Variants in CDH11 observed in about 807,000 individuals in gnomAD.
CDH11 encodes cadherin 11.
In CDH11, 11 loss-of-function variants were observed where a neutral mutation model predicts 67.8. The observed-to-expected ratio is 0.16, with a 90% CI of 0.10 to 0.27. CDH11 has a LOEUF of 0.27. CDH11 is among the 10% of genes least tolerant of loss of function. CDH11 has a pLI of 1.00. For missense variants in CDH11, 847 were observed against 1,031.2 expected, an observed-to-expected ratio of 0.82 and a Z score of 2.45; for synonymous variants, 419 against 400.0, an observed-to-expected ratio of 1.05 and a Z score of -0.57.
At chr16:65,040,812 A>C (rs1043627549) in intron 2 of CDH11, among the ~76,000 whole-genome samples, 1 of 152,220 alleles carries the variant, frequency 6.6e-6, no homozygotes, top group Non-Finnish European at 1.5e-5. Flanking sequence ...TTTTATTGAC[A>C]TGTAATATGT....
chr16:64,976,783 G>A (rs1168440664), intron 8 of CDH11, among the ~76,000 whole-genome samples: 4 of 152,248 alleles, frequency 2.6e-5, no homozygotes, highest in South Asian at 2.1e-4. Context: ...AGGAGGCGGA[G>A]GTTGCAGTGA....
In CDH11 at chr16:65,114,363, G is replaced by A. The variant is rs190972809; in HGVS notation, c.-298+7517C>T. Among the ~76,000 whole-genome samples, 30 of 152,226 alleles carry A rather than the reference G, an allele frequency of 2.0e-4. No homozygotes were observed. In the East Asian group the frequency reaches 5.4e-3, roughly 28 times the overall value. The stretch of plus-strand genomic sequence containing the variant: ...TGAAGGAGGCCCAGGCTTGAGACAC[G>A]CACCAAAAACAGTGGAAAACTGAGG... On this transcript the variant is annotated intron_variant, in intron 1 of 12. Coordinates refer to ENST00000268603, the MANE Select transcript of CDH11 (RefSeq NM_001797.4).
chr16:65,099,078 A>C (rs16968474), intron 1 of CDH11, among the ~76,000 whole-genome samples: 9,783 of 152,170 alleles, frequency 0.064, 519 homozygotes, highest in African/African-American at 0.15. Context: ...TTAATTCACC[A>C]ATCCAATAAA....
At chr16:65,084,114 GA>G (rs896493365) in intron 1 of CDH11, among the ~76,000 whole-genome samples, 1 of 152,288 alleles carries the variant, frequency 6.6e-6, no homozygotes, top group African/African-American at 2.4e-5. Context: ...CTGAAGTTGA[GA>G]AACCTTGTAT....
chr16:65,020,813 C>T (rs2073408251), intron 2 of CDH11, among the ~76,000 whole-genome samples: 1 of 152,106 alleles, frequency 6.6e-6, no homozygotes, highest in Middle Eastern at 3.4e-3. Context: ...AGAAGAAGAT[C>T]TAGTAGCTGT....
chr16:64,949,783 A>G (rs554087873), intron 12 of CDH11, among the ~76,000 whole-genome samples: 2 of 152,032 alleles, frequency 1.3e-5, no homozygotes, highest in South Asian at 4.2e-4. Context: ...TCCCTATTAC[A>G]GCACCCACCG....
At chr16:65,099,503 T>C (rs1033824669) in intron 1 of CDH11, among the ~76,000 whole-genome samples, 6 of 152,156 alleles carry the variant, frequency 3.9e-5, no homozygotes, top group Admixed American at 2.6e-4. Context: ...AGTTTCCTGA[T>C]AGAGTGGCAG....
At chr16:65,118,467 T>C (rs1371706209) in intron 1 of CDH11, among the ~76,000 whole-genome samples, 2 of 152,178 alleles carry the variant, frequency 1.3e-5, no homozygotes, top group African/African-American at 2.4e-5. Flanking sequence ...ATCACAAATT[T>C]ATATAGACCA....
intron 2 of CDH11, among the ~76,000 whole-genome samples, chr16:65,012,495 A>G (rs2073203953): frequency 1.3e-5 from 2 of 152,246 alleles, no homozygotes; most frequent in Admixed American, 6.5e-5. Flanking sequence ...ACCAAGTGAC[A>G]TCTCATGACT....
At chr16:64,950,053 G>C (rs189221799) in intron 12 of CDH11, among the ~76,000 whole-genome samples, 4 of 152,222 alleles carry the variant, frequency 2.6e-5, no homozygotes, top group East Asian at 1.9e-4. Flanking sequence ...TCCTGATTTG[G>C]TCAGTCACTA....
chr16:65,037,342 C>T (rs2073772964), intron 2 of CDH11, among the ~76,000 whole-genome samples: 1 of 152,162 alleles, frequency 6.6e-6, no homozygotes, highest in South Asian at 2.1e-4. Flanking sequence ...CACTCCAGCA[C>T]ATGTTGTAAA....
At chr16:65,112,521 T>C (rs547286090) in intron 1 of CDH11, among the ~76,000 whole-genome samples, 1 of 152,332 alleles carries the variant, frequency 6.6e-6, no homozygotes, top group South Asian at 2.1e-4. Context: ...CTCTGTGCTG[T>C]TAATATTGTC....
chr16:65,017,744 C>A lies in CDH11; in HGVS notation c.-172-12703G>T, dbSNP rs911218964. 3.9e-5 allele frequency among the ~76,000 whole-genome samples: 6 copies of A among 152,028 alleles called. No homozygotes were observed. The East Asian group carries it at 1.2e-3, about 29-fold the overall frequency. ...ATACTCAACTAGATCTGTATGTTAC[C>A]TATTCTTCTTGTTTCTTCTGATCAG... On this transcript the variant is annotated intron_variant, in intron 2 of 12. Coordinates refer to ENST00000268603, the MANE Select transcript of CDH11 (RefSeq NM_001797.4).
At chr16:65,010,682 T>G (rs1391981929) in intron 2 of CDH11, among the ~76,000 whole-genome samples, 2 of 152,080 alleles carry the variant, frequency 1.3e-5, no homozygotes, top group African/African-American at 4.8e-5. Context: ...TGAGTGGAAA[T>G]TTTAAAACTG....
At chr16:65,109,062 G>A (rs1055550508) in intron 1 of CDH11, among the ~76,000 whole-genome samples, 5 of 152,094 alleles carry the variant, frequency 3.3e-5, no homozygotes, top group Non-Finnish European at 2.9e-5. Flanking sequence ...CAAGAGAATC[G>A]CTTGAACGTG....
chr16:64,974,794 A>G (rs2072116925), intron 8 of CDH11, among the ~76,000 whole-genome samples: 1 of 152,240 alleles, frequency 6.6e-6, no homozygotes, highest in Admixed American at 6.5e-5. Context: ...TTTAGTTGAC[A>G]TGACAACACA....
At chr16:65,108,985 A>G (rs1161102807) in intron 1 of CDH11, among the ~76,000 whole-genome samples, 1 of 152,086 alleles carries the variant, frequency 6.6e-6, no homozygotes. Context: ...TGCCTCTACT[A>G]AAAATACAAA....
chr16:64,956,379 A>G (rs1175782491), intron 11 of CDH11, among the ~76,000 whole-genome samples: 2 of 152,246 alleles, frequency 1.3e-5, no homozygotes, highest in Non-Finnish European at 2.9e-5. Flanking sequence ...TGAGGAAGAG[A>G]AACTCATTGG....
rs115040053 is a variant in CDH11 at position 65,068,393 on chromosome 16, C to T, written c.-297-14465G>A. On this transcript the variant is annotated intron_variant, in intron 1 of 12. Transcript: ENST00000268603. The stretch of plus-strand genomic sequence containing the variant: ...GGGTGAGAAGAATGAAGGGAGCTCC[C>T]GAAATAAGATATGACTACAGAAAAA... Among the ~76,000 whole-genome samples, 644 of 120,332 alleles carry T rather than the reference C, an allele frequency of 5.4e-3. 6 individuals are homozygous for T. Among genetic ancestry groups the T allele is most frequent in the African/African-American group, 0.019 (596 of 30,814 alleles). 78.9% of individuals were successfully genotyped at this position (120,332 alleles called of 152,430 possible).
Sources: allele counts gnomAD v4.1 joint callset (sites outside exome capture counted in the v4.1 genomes callset), GRCh38; gene constraint gnomAD v4.1.1; transcripts MANE v1.5; gene names NCBI Gene and HGNC (gene_info 2026-07-23, HGNC 2026-07-21).